Variants in WIPI2 observed in about 807,000 individuals in gnomAD.
The protein encoded by WIPI2 is WD repeat domain, phosphoinositide interacting 2.
WIPI2 carries 28 observed loss-of-function variants against 52.3 expected under a neutral mutation model. The observed-to-expected ratio is 0.54, with a 90% CI of 0.40 to 0.73. The LOEUF is 0.73. WIPI2 is among the 30% of genes least tolerant of loss of function. WIPI2 has a pLI of 0.00. For missense variants in WIPI2, 506 were observed against 602.9 expected (o/e 0.84, Z 1.68); for synonymous variants, 268 against 245.0 (o/e 1.09, Z -0.88).
At position 5,230,578 on chromosome 7, in the gene WIPI2, C is replaced by T. The variant is rs1323109808; in HGVS notation, c.1253-257C>T. ...AACCAGCTTGAGAGAGTTTGTGGCC[C>T]GTCCATGAGGGAGCCTCTGTTTACT... is the stretch of plus-strand genomic sequence containing the variant. On this transcript the variant is annotated intron_variant, in intron 12 of 12. Transcript: ENST00000288828. The surrounding 1 kb of genome is among the most constrained non-coding windows in gnomAD (Gnocchi z 4.8). 6.6e-6 allele frequency among the ~76,000 whole-genome samples: 1 copy of T among 152,122 alleles called. No individual in the cohort carries two copies. The highest frequency in any genetic ancestry group is 1.5e-5 in the Non-Finnish European group (1 of 68,028).
chr7:5,212,055 G>A (rs62441953), intron 3 of WIPI2, among the ~76,000 whole-genome samples: 37,647 of 152,114 alleles, frequency 0.25, 5,174 homozygotes, highest in Admixed American at 0.39. Flanking sequence ...TTTTGTTGCT[G>A]TTGTTGTTGT....
At chr7:5,228,260 G>GT (rs1783542854) in intron 11 of WIPI2, 49 bp downstream of exon 11, 1 of 1,506,828 alleles carries the variant, frequency 6.6e-7, no homozygotes, top group African/African-American at 1.4e-5. Context: ...CTGGCGGGGG[G>GT]CTTTCGGGGC....
At chr7:5,214,795 T>G in intron 4 of WIPI2, 91 bp downstream of exon 4, 2 of 1,443,842 alleles carry the variant, frequency 1.4e-6, no homozygotes, top group Non-Finnish European at 1.9e-6. Context: ...CCCTCCGTCA[T>G]TCCCTTGCTG....
chr7:5,212,168 C>T (rs907810800), intron 3 of WIPI2, among the ~76,000 whole-genome samples: 9 of 152,126 alleles, frequency 5.9e-5, no homozygotes, highest in African/African-American at 1.9e-4. Context: ...AGGAGCTCCT[C>T]GTCTATGACA....
chr7:5,198,596 GA>G (rs1364772921), intron 2 of WIPI2, among the ~76,000 whole-genome samples: 2 of 152,170 alleles, frequency 1.3e-5, no homozygotes, highest in African/African-American at 4.8e-5. Context: ...TTATAGGCAT[GA>G]GCCACCACAC....
intron 3 of WIPI2, among the ~76,000 whole-genome samples, chr7:5,208,850 T>C (rs546497292): frequency 6.6e-6 from 1 of 152,226 alleles, no homozygotes; most frequent in East Asian, 1.9e-4. Flanking sequence ...AAATTTAAAA[T>C]CCACTTTGTC....
chr7:5,221,518 T>G (rs1783128559), intron 7 of WIPI2, among the ~76,000 whole-genome samples: 1 of 152,240 alleles, frequency 6.6e-6, no homozygotes, highest in African/African-American at 2.4e-5. Flanking sequence ...ATCAGTCTAT[T>G]TCTTTTTGTG....
chr7:5,230,756 AAC>A lies in WIPI2; in HGVS notation c.1253-75_1253-74del, dbSNP rs1443569740. ...TATAAATATACACCAGTGTTTCCAAAACACAGTCCTCAGTGTGTGTCATGGGG... is the reference window on the plus strand; with the variant it reads ...TATAAATATACACCAGTGTTTCCAAAACAGTCCTCAGTGTGTGTCATGGGG... On this transcript the variant is annotated intron_variant, in intron 12 of 12. Transcript: ENST00000288828. The surrounding 1 kb of genome is among the most constrained non-coding windows in gnomAD (Gnocchi z 4.8). The A allele has an allele frequency of 9.4e-7, 1 of 1,063,230 alleles. No homozygotes were observed. The highest frequency in any genetic ancestry group is 1.3e-6 in the Non-Finnish European group (1 of 741,786). 65.9% of individuals were successfully genotyped at this position (1,063,230 alleles called of 1,614,324 possible).
chr7:5,215,831 C>A (rs911539753), intron 4 of WIPI2, among the ~76,000 whole-genome samples: 2 of 152,222 alleles, frequency 1.3e-5, no homozygotes, highest in Non-Finnish European at 2.9e-5. Flanking sequence ...GCATCGTCTG[C>A]ATGTCTACAT....
chr7:5,225,137 CTT>C (rs569592524), intron 8 of WIPI2, among the ~76,000 whole-genome samples: 1 of 144,890 alleles, frequency 6.9e-6, no homozygotes. Context: ...TTTGCTCTGT[CTT>C]TTTTTTTTTT....
intron 7 of WIPI2, among the ~76,000 whole-genome samples, chr7:5,220,485 C>T (rs559219876): frequency 3.3e-5 from 5 of 151,490 alleles, no homozygotes; most frequent in South Asian, 2.1e-4. Flanking sequence ...GTGATCCACC[C>T]GCCTTGGCCT....
chr7:5,210,234 G>T (rs1407687745), intron 3 of WIPI2, among the ~76,000 whole-genome samples: 1 of 152,148 alleles, frequency 6.6e-6, no homozygotes, highest in African/African-American at 2.4e-5. Flanking sequence ...ATAGATAGTT[G>T]CCTAAGTTTT....
At chr7:5,218,090 C>A in intron 7 of WIPI2, 76 bp downstream of exon 7, 1 of 1,485,144 alleles carries the variant, frequency 6.7e-7, no homozygotes, top group Non-Finnish European at 9.4e-7. Flanking sequence ...CACACAGCCA[C>A]CTTAGAGGCA....
chr7:5,230,723 C>A lies in WIPI2; in HGVS notation c.1253-112C>A. ...AGAATTCAGAACGTCTTAGTACAGG[C>A]TTCAGTTTATAAATATACACCAGTG... On this transcript the variant is annotated intron_variant, in intron 12 of 12. Coordinates refer to ENST00000288828, the MANE Select transcript of WIPI2 (RefSeq NM_015610.4). This position sits in a 1 kb window ranked among gnomAD's most constrained non-coding sequence, Gnocchi z 4.8. 1 of 674,578 alleles carries A rather than the reference C, an allele frequency of 1.5e-6. No homozygotes were observed. Among genetic ancestry groups the A allele is most frequent in the Non-Finnish European group, 2.4e-6 (1 of 418,630 alleles). 41.8% of individuals were successfully genotyped at this position (674,578 alleles called of 1,614,324 possible).
At position 5,227,563 on chromosome 7, in the gene WIPI2, G is replaced by A. The variant is rs562272137; in HGVS notation, c.1013+219G>A. On this transcript the variant is annotated intron_variant, in intron 10 of 12. Coordinates refer to ENST00000288828, the MANE Select transcript of WIPI2 (RefSeq NM_015610.4). This position sits in a 1 kb window ranked among gnomAD's most constrained non-coding sequence, Gnocchi z 8.1. Reference sequence around the variant, plus strand: ...CCAGACGGGCTCCCGTTCTGTTTTTGTGGATAGTCTGCGGTATTAATGAAA... The same window carrying A: ...CCAGACGGGCTCCCGTTCTGTTTTTATGGATAGTCTGCGGTATTAATGAAA... Among the ~76,000 whole-genome samples the A allele has an allele frequency of 3.2e-4, 48 of 152,344 alleles. 1 individual carries two copies. The highest frequency in any genetic ancestry group is 5.9e-5 in the Non-Finnish European group (4 of 68,032).
chr7:5,198,220 C>G (rs192527230), intron 2 of WIPI2, among the ~76,000 whole-genome samples: 41 of 152,328 alleles, frequency 2.7e-4, no homozygotes, highest in Middle Eastern at 3.4e-3. Context: ...AGGGGTGGAG[C>G]CACGGGTAGT....
intron 6 of WIPI2, 27 bp from the exon 7 acceptor site, chr7:5,217,895 C>G: frequency 6.2e-7 from 1 of 1,613,146 alleles, no homozygotes; most frequent in Non-Finnish European, 8.5e-7. Flanking sequence ...GTGCGGTGGC[C>G]ACTCTTTATT....
intron 7 of WIPI2, among the ~76,000 whole-genome samples, chr7:5,220,797 CTTTCTTTCTTTT>C (rs999473327): frequency 9.9e-5 from 15 of 151,698 alleles, no homozygotes; most frequent in African/African-American, 3.6e-4. Flanking sequence ...TTCTTTCTTT[CTTTCTTTCTTTT>C]TTTTGAGACA....
intron 11 of WIPI2, among the ~76,000 whole-genome samples, 180 bp downstream of exon 11, chr7:5,228,391 G>A (rs961234291): frequency 6.6e-6 from 1 of 152,260 alleles, no homozygotes; most frequent in Admixed American, 6.5e-5. Flanking sequence ...CAATGCCGCC[G>A]CAAGACAGGG....
Sources: gnomAD v4.1 joint callset for allele counts (sites outside exome capture counted in the v4.1 genomes callset) on GRCh38, gnomAD v4.1.1 for gene constraint, Gnocchi (gnomAD v3.1) non-coding constraint, MANE v1.5 for transcripts, NCBI Gene and HGNC (gene_info 2026-07-23, HGNC 2026-07-21) for gene names.